The following TRIQK variants were observed in gnomAD, a reference collection of about 807,000 sequenced individuals.
TRIQK encodes triple QxxK/R motif containing.
In TRIQK, 10 loss-of-function variants were observed where a neutral mutation model predicts 10.8. The ratio of observed to expected loss-of-function variants is 0.92; its 90% confidence interval spans 0.57 to 1.57. The LOEUF is 1.57. TRIQK is among the 40% of genes most tolerant of loss of function. The pLI is 0.00. For missense variants in TRIQK, 107 were observed against 97.7 expected (o/e 1.09, Z -0.40); for synonymous variants, 33 against 33.7 (o/e 0.98, Z 0.07).
At chr8:92,904,093 G>T (rs2130365458) in intron 3 of TRIQK, among the ~76,000 whole-genome samples, 1 of 151,962 alleles carries the variant, frequency 6.6e-6, no homozygotes, top group Non-Finnish European at 1.5e-5. Context: ...GAAGTGCAAA[G>T]ATTCAAAAAA....
At chr8:93,000,960 A>G (rs1813205061) in intron 1 of TRIQK, among the ~76,000 whole-genome samples, 1 of 152,106 alleles carries the variant, frequency 6.6e-6, no homozygotes, top group Admixed American at 6.5e-5. Flanking sequence ...GGCAAAAGTA[A>G]GTCTTTACCT....
intron 2 of TRIQK, among the ~76,000 whole-genome samples, chr8:92,920,328 A>G (rs1446944156): frequency 6.6e-6 from 1 of 151,676 alleles, no homozygotes; most frequent in African/African-American, 2.4e-5. Context: ...GTTGTTCCTC[A>G]TTCCTTCTAG....
intron 2 of TRIQK, among the ~76,000 whole-genome samples, chr8:92,936,350 A>T (rs1490289220): frequency 6.6e-6 from 1 of 151,666 alleles, no homozygotes; most frequent in Admixed American, 6.6e-5. Context: ...TATTCTTGTT[A>T]ACTGATTAAA....
chr8:92,956,461 A>T (rs1812177386), intron 1 of TRIQK, among the ~76,000 whole-genome samples: 1 of 151,812 alleles, frequency 6.6e-6, no homozygotes, highest in South Asian at 2.1e-4. Context: ...CTGAAATTAG[A>T]TAGTTGCACA....
At chr8:92,977,726 A>G (rs1382165880) in intron 1 of TRIQK, among the ~76,000 whole-genome samples, 2 of 152,128 alleles carry the variant, frequency 1.3e-5, no homozygotes, top group Non-Finnish European at 1.5e-5. Context: ...ATTGAATGCT[A>G]GACATTTTTA....
At chr8:93,004,312 C>T (rs1813245988) in intron 1 of TRIQK, among the ~76,000 whole-genome samples, 1 of 152,212 alleles carries the variant, frequency 6.6e-6, no homozygotes, top group African/African-American at 2.4e-5. Context: ...GATTTGCACC[C>T]TCACAGCCAT....
At chr8:92,950,696 T>C (rs71530261) in intron 2 of TRIQK, among the ~76,000 whole-genome samples, 2,768 of 152,262 alleles carry the variant, frequency 0.018, 42 homozygotes, top group Non-Finnish European at 0.027. Flanking sequence ...TTTCCAATGA[T>C]AAGTTTAGCA....
intron 2 of TRIQK, chr8:92,953,567 C>T (rs976461868): frequency 3.3e-5 from 5 of 151,768 alleles, no homozygotes; most frequent in African/African-American, 7.3e-5. Context: ...CATACAATTG[C>T]TATATATGGA....
chr8:92,982,242 C>A (rs1282440552), intron 1 of TRIQK, among the ~76,000 whole-genome samples: 1 of 151,538 alleles, frequency 6.6e-6, no homozygotes, highest in African/African-American at 2.4e-5. Flanking sequence ...TACTACATCA[C>A]CTGGATATTT....
intron 1 of TRIQK, among the ~76,000 whole-genome samples, chr8:92,956,276 T>C (rs1007768384): frequency 4.0e-5 from 6 of 151,740 alleles, no homozygotes; most frequent in African/African-American, 1.2e-4. Flanking sequence ...AAGAAGTCAG[T>C]CACAAAAGTC....
chr8:92,886,792 T>C (rs1027448181), intron 4 of TRIQK, 57 bp from the exon 5 acceptor site: 1 of 929,560 alleles, frequency 1.1e-6, no homozygotes, highest in Non-Finnish European at 1.7e-6. Flanking sequence ...GTTAACATTA[T>C]TAGTTTCACC....
intron 3 of TRIQK, among the ~76,000 whole-genome samples, chr8:92,907,021 A>T (rs1172073665): frequency 6.6e-6 from 1 of 152,228 alleles, no homozygotes; most frequent in Non-Finnish European, 1.5e-5. Flanking sequence ...TCTCATTATC[A>T]ATGACAGAAA....
intron 1 of TRIQK, among the ~76,000 whole-genome samples, chr8:92,997,858 T>G (rs1813168224): frequency 6.6e-6 from 1 of 152,036 alleles, no homozygotes; most frequent in Non-Finnish European, 1.5e-5. Flanking sequence ...GAATTTTAAT[T>G]TTAAGCACCT....
chr8:92,966,980 C>CAAAAAAAAAAA (rs10655820), upstream of TRIQK, among the ~76,000 whole-genome samples: 1 of 68,850 alleles, frequency 1.5e-5, no homozygotes, highest in African/African-American at 6.1e-5. Context: ...AAGTAGCATA[C>CAAAAAAAAAAA]AAAAAAAAAA....
chr8:92,959,315 G>C (rs1812329857), intron 1 of TRIQK, among the ~76,000 whole-genome samples: 1 of 151,860 alleles, frequency 6.6e-6, no homozygotes, highest in South Asian at 2.1e-4. Context: ...GCATAAATGA[G>C]TCAGAAGTTC....
At position 92,985,126 on chromosome 8, in the gene TRIQK, G is replaced by A. The variant is rs867600004; in HGVS notation, c.-180-30562C>T. 8.5e-4 allele frequency among the ~76,000 whole-genome samples: 129 copies of A among 151,432 alleles called. No homozygotes were observed. The Middle Eastern group carries it at 0.01, about 12-fold the overall frequency. On this transcript the variant is annotated intron_variant, in intron 1 of 4. Coordinates refer to the TRIQK transcript ENST00000520686. ...TGTTTTCTTTGTTTCAAAGTCAAAT[G>A]ACACTGTGATTGATTTTGAATGACC...
chr8:92,939,663 G>A (rs966244982), intron 2 of TRIQK, among the ~76,000 whole-genome samples: 20 of 152,070 alleles, frequency 1.3e-4, no homozygotes, highest in Admixed American at 5.9e-4. Flanking sequence ...AAGCAGTGTG[G>A]CTCAACACAG....
chr8:93,015,987 A>C (rs1216329559), intron 1 of TRIQK, among the ~76,000 whole-genome samples: 1 of 152,174 alleles, frequency 6.6e-6, no homozygotes, highest in Non-Finnish European at 1.5e-5. Flanking sequence ...AGCTATGCAT[A>C]GAGATTTATA....
At position 92,894,080 on chromosome 8, in the gene TRIQK, A is replaced by G. The variant is rs553223431; in HGVS notation, c.62-2006T>C. 6.6e-5 allele frequency among the ~76,000 whole-genome samples: 10 copies of G among 152,244 alleles called. No individual in the cohort carries two copies. In the East Asian group the frequency reaches 1.7e-3, roughly 26 times the overall value. On this transcript the variant is annotated intron_variant, in intron 3 of 4. Transcript: ENST00000521988. ...TCAACTCTCATATTCTTAGAGAATAATACTTCCAGATTTGTATTCAAGTTG... is the reference window on the plus strand; with the variant it reads ...TCAACTCTCATATTCTTAGAGAATAGTACTTCCAGATTTGTATTCAAGTTG...
Sources: allele counts gnomAD v4.1 joint callset (sites outside exome capture counted in the v4.1 genomes callset), GRCh38; gene constraint gnomAD v4.1.1; transcripts MANE v1.5; gene names NCBI Gene and HGNC (gene_info 2026-07-23, HGNC 2026-07-21).